TGFB2: variants seen among roughly 807,000 people sequenced by gnomAD.
TGFB2 encodes transforming growth factor beta-2 proprotein.
In TGFB2, 13 loss-of-function variants were observed where a neutral mutation model predicts 42.7. The ratio of observed to expected loss-of-function variants is 0.30; its 90% CI spans 0.20 to 0.48. The LOEUF (loss-of-function observed/expected upper bound fraction) is 0.48. Ranked by LOEUF, TGFB2 falls within the 20% of genes least tolerant of loss-of-function variation. TGFB2 has a pLI of 0.99. For synonymous variants in TGFB2, 193 were observed against 193.6 expected (o/e 1.00, Z 0.03); for missense variants, 390 against 517.5 (o/e 0.75, Z 2.39).
At chr1:218,403,206 G>A (rs1472778673) in intron 1 of TGFB2, among the ~76,000 whole-genome samples, 13 of 147,560 alleles carry the variant, frequency 8.8e-5, no homozygotes, top group Non-Finnish European at 3.0e-5. Flanking sequence ...GATTTTTTGG[G>A]GTTTTTTTGT....
Position 218,346,583 on chromosome 1 carries a change from T to A in TGFB2, c.-119T>A. The A allele has an allele frequency of 1.3e-6, 1 of 746,978 alleles. No homozygotes were observed. The highest frequency in any genetic ancestry group is 2.1e-5 in the South Asian group (1 of 48,148). The allele number at this position is 746,978 out of a possible 1,614,324, so 46.3% of individuals were successfully genotyped here. ...CTAGATTGTTTGCAAAAGTTTCGCA[T>A]CAAAAACAACAACAACAAAAAACCA... On this transcript the variant is annotated 5_prime_UTR_variant, in exon 1 of 7. Coordinates refer to ENST00000366930, the MANE Select transcript of TGFB2 (RefSeq NM_003238.6). The surrounding 1 kb of genome is among the most constrained non-coding windows in gnomAD (Gnocchi z 4.9).
intron 1 of TGFB2, among the ~76,000 whole-genome samples, chr1:218,368,365 A>G (rs4846266): frequency 0.41 from 61,481 of 150,038 alleles, 13,643 homozygotes; most frequent in African/African-American, 0.6. Flanking sequence ...TCGAACTCCT[A>G]AACTCAGGTG....
rs1660148967 is a variant in TGFB2 at position 218,441,429 on chromosome 1, A to G, written c.*67A>G. On this transcript the variant is annotated 3_prime_UTR_variant, in exon 7 of 7. Transcript: ENST00000366930. Reference sequence around the variant, plus strand: ...GATAATGATGATGACGACGACAACGATGATGCTTGTAACAAGAAAACATAA... The same window carrying G: ...GATAATGATGATGACGACGACAACGGTGATGCTTGTAACAAGAAAACATAA... 8.7e-6 allele frequency: 13 copies of G among 1,500,280 alleles called. No individual in the cohort carries two copies. Among genetic ancestry groups the G allele is most frequent in the Non-Finnish European group, 1.2e-5 (13 of 1,120,710 alleles). 92.9% of individuals were successfully genotyped at this position (1,500,280 alleles called of 1,614,324 possible). A position where few individuals can be genotyped will look rare whatever the true frequency, so the allele number is the denominator to read the frequency against.
chr1:218,377,671 C>T (rs1049806526), intron 1 of TGFB2, among the ~76,000 whole-genome samples: 3 of 151,960 alleles, frequency 2.0e-5, no homozygotes, highest in South Asian at 2.1e-4. Context: ...TATGTTGTGC[C>T]GTCTTGCCCC....
intron 1 of TGFB2, among the ~76,000 whole-genome samples, chr1:218,373,199 A>C (rs1255522425): frequency 6.6e-6 from 1 of 152,048 alleles, no homozygotes; most frequent in African/African-American, 2.4e-5. Context: ...TTCCCAGGAG[A>C]TTCTAATGTG....
At chr1:218,390,473 C>T (rs546897849) in intron 1 of TGFB2, among the ~76,000 whole-genome samples, 1 of 152,168 alleles carries the variant, frequency 6.6e-6, no homozygotes, top group South Asian at 2.1e-4. Context: ...TCAGTTTTTT[C>T]TCCCAGTGTC....
chr1:218,435,300 G>A (rs528897521), intron 4 of TGFB2, among the ~76,000 whole-genome samples: 2 of 152,182 alleles, frequency 1.3e-5, no homozygotes, highest in Admixed American at 1.3e-4. Flanking sequence ...ACCTAGTCAT[G>A]ATTCTCTGGA....
At chr1:218,435,503 A>G (rs1659941766) in intron 4 of TGFB2, among the ~76,000 whole-genome samples, 1 of 152,182 alleles carries the variant, frequency 6.6e-6, no homozygotes, top group South Asian at 2.1e-4. Flanking sequence ...ATTCACTCCA[A>G]TTCAGTTAAG....
rs574343479 is a variant in TGFB2, at chr1:218,397,109, A to C, written c.347-8060A>C. ...TGGTGAAATCCCGTCTCTACTAAAA[A>C]TACAAAAAATTAGCCAGGCGTGGTG... On this transcript the variant is annotated intron_variant, in intron 1 of 6. Transcript: ENST00000366930. Among the ~76,000 whole-genome samples, 21 of 151,964 alleles carry C rather than the reference A, an allele frequency of 1.4e-4. No individual in the cohort carries two copies. The South Asian group carries it at 2.7e-3, about 20-fold the overall frequency.
chr1:218,428,643 C>A (rs1464995541), intron 2 of TGFB2, among the ~76,000 whole-genome samples: 1 of 152,080 alleles, frequency 6.6e-6, no homozygotes, highest in Non-Finnish European at 1.5e-5. Context: ...ATCAGATGGT[C>A]GTAGATGTGT....
intron 1 of TGFB2, among the ~76,000 whole-genome samples, chr1:218,389,198 C>G (rs1658237492): frequency 6.6e-6 from 1 of 152,114 alleles, no homozygotes; most frequent in South Asian, 2.1e-4. Flanking sequence ...ACTATGAAGA[C>G]CTAAAGGATT....
chr1:218,441,074 C>T, intron 6 of TGFB2, 130 bp from the exon 7 acceptor site: 1 of 820,208 alleles, frequency 1.2e-6, no homozygotes. Flanking sequence ...AGGAAATTAG[C>T]AACCAAAAAT....
intron 1 of TGFB2, among the ~76,000 whole-genome samples, chr1:218,362,110 A>T (rs1657230908): frequency 1.3e-5 from 2 of 152,204 alleles, no homozygotes; most frequent in Non-Finnish European, 1.5e-5. Flanking sequence ...AGTATGGAAA[A>T]AGTCTTTGTT....
chr1:218,402,844 A>G (rs1257539461), intron 1 of TGFB2, among the ~76,000 whole-genome samples: 1 of 152,244 alleles, frequency 6.6e-6, no homozygotes, highest in African/African-American at 2.4e-5. Context: ...AGATGAATGC[A>G]GCATCAGCCT....
chr1:218,378,226 G>C (rs1216949708), intron 1 of TGFB2, among the ~76,000 whole-genome samples: 2 of 152,066 alleles, frequency 1.3e-5, no homozygotes, highest in Non-Finnish European at 2.9e-5. Context: ...GGCACTCTAT[G>C]AGTGCAATGG....
intron 2 of TGFB2, among the ~76,000 whole-genome samples, chr1:218,426,993 G>A (rs1344282663): frequency 1.3e-5 from 2 of 152,040 alleles, no homozygotes; most frequent in African/African-American, 2.4e-5. Context: ...AAGTAGAGAT[G>A]TTTAAGGACA....
At chr1:218,435,522 T>G (rs1412623977) in intron 4 of TGFB2, among the ~76,000 whole-genome samples, 1 of 152,222 alleles carries the variant, frequency 6.6e-6, no homozygotes, top group Non-Finnish European at 1.5e-5. Context: ...AGTCTCAGTT[T>G]ATGTTCATTA....
In TGFB2 at chr1:218,443,989, C is replaced by T. The variant is rs1038873114; in HGVS notation, c.*2627C>T. The T allele has an allele frequency of 6.6e-6, 1 of 151,988 alleles. No homozygotes were observed. The highest frequency in any genetic ancestry group is 1.5e-5 in the Non-Finnish European group (1 of 68,002). 9.4% of individuals were successfully genotyped at this position (151,988 alleles called of 1,614,324 possible). On this transcript the variant is annotated 3_prime_UTR_variant, in exon 7 of 7. Coordinates refer to ENST00000366930, the MANE Select transcript of TGFB2 (RefSeq NM_003238.6). ...TGCTCTAGTGGTAAATAAATTATTT[C>T]GATGATATGTGGATGTCTTTTTCCT... is the stretch of plus-strand genomic sequence containing the variant.
At chr1:218,406,666 TA>T (rs1180059744) in intron 2 of TGFB2, among the ~76,000 whole-genome samples, 34 of 152,164 alleles carry the variant, frequency 2.2e-4, no homozygotes, top group Non-Finnish European at 3.2e-4. Flanking sequence ...ACGTATCTAT[TA>T]AAACCTGATG....
Sources: allele counts gnomAD v4.1 joint callset (sites outside exome capture counted in the v4.1 genomes callset), GRCh38; gene constraint gnomAD v4.1.1; non-coding constraint Gnocchi (gnomAD v3.1); transcripts MANE v1.5; gene names NCBI Gene and HGNC (gene_info 2026-07-23, HGNC 2026-07-21).